The following PPFIBP1 variants were observed in gnomAD, a reference collection of about 807,000 sequenced individuals.
PPFIBP1 encodes PPFIB scaffold protein 1.
In PPFIBP1, 112 loss-of-function variants were observed where a neutral mutation model predicts 137.8. The observed-to-expected ratio is 0.81, with a 90% confidence interval of 0.70 to 0.95. The LOEUF is 0.95. PPFIBP1 is among the 40% of genes least tolerant of loss of function. PPFIBP1 has a pLI of 0.00. For missense variants in PPFIBP1, 1,083 were observed against 1,196.6 expected, an observed-to-expected ratio of 0.91 and a Z score of 1.40; for synonymous variants, 378 against 417.3, an observed-to-expected ratio of 0.91 and a Z score of 1.15.
At chr12:27,662,454 A>C (rs962274217) in intron 11 of PPFIBP1, among the ~76,000 whole-genome samples, 1 of 152,246 alleles carries the variant, frequency 6.6e-6, no homozygotes, top group Non-Finnish European at 1.5e-5. Flanking sequence ...GAGTGAAGAC[A>C]GACAAACAGT....
chr12:27,673,546 A>G (rs2060328144), intron 15 of PPFIBP1, among the ~76,000 whole-genome samples: 1 of 152,208 alleles, frequency 6.6e-6, no homozygotes, highest in African/African-American at 2.4e-5. Context: ...TAACATGTGC[A>G]GAACAGTTAG....
At position 27,573,665 on chromosome 12, in the gene PPFIBP1, T is replaced by C. The variant is rs191549765; in HGVS notation, c.-123-4487T>C. On this transcript the variant is annotated intron_variant, in intron 1 of 29. Transcript: ENST00000228425. ...TTACTCTGCAGACATTGAAAACCAGTTGGAGACTAGCGTGATTAAAAAGAA... is the reference window on the plus strand; with the variant it reads ...TTACTCTGCAGACATTGAAAACCAGCTGGAGACTAGCGTGATTAAAAAGAA... Among the ~76,000 whole-genome samples the C allele has an allele frequency of 1.5e-3, 223 of 152,168 alleles. 1 individual carries two copies. Among genetic ancestry groups the C allele is most frequent in the African/African-American group, 4.9e-3 (202 of 41,526 alleles).
At chr12:27,646,408 CTT>C (rs59630572) in intron 5 of PPFIBP1, 22,159 of 328,380 alleles carry the variant, frequency 0.067, no homozygotes, top group South Asian at 0.095. Context: ...CTGATCTGTT[CTT>C]TTTTTTTTTT....
chr12:27,567,116 A>G (rs1339278452), intron 1 of PPFIBP1, among the ~76,000 whole-genome samples: 1 of 152,242 alleles, frequency 6.6e-6, no homozygotes, highest in Admixed American at 6.5e-5. Context: ...AAATTAACCT[A>G]CGTGAATTTT....
At chr12:27,674,424 C>T (rs568101103) in intron 17 of PPFIBP1, among the ~76,000 whole-genome samples, 6 of 43,278 alleles carry the variant, frequency 1.4e-4, no homozygotes, top group South Asian at 6.3e-4. Flanking sequence ...GAATGCAGAT[C>T]GGTGGTTACC....
rs1566032960 is a variant in PPFIBP1 at position 27,692,918 on chromosome 12, C to T, written c.*36C>T. On this transcript the variant is annotated 3_prime_UTR_variant, in exon 30 of 30. Transcript: ENST00000228425. Reference sequence around the variant, plus strand: ...TGGATGAACATTAGGAGTGCTTAGTCTTTTTTCTACTTGCTTTTCCAAACA... The same window carrying T: ...TGGATGAACATTAGGAGTGCTTAGTTTTTTTTCTACTTGCTTTTCCAAACA... 6.2e-7 allele frequency: 1 copy of T among 1,611,154 alleles called. No individual in the cohort carries two copies. The highest frequency in any genetic ancestry group is 2.2e-5 in the East Asian group (1 of 44,842).
intron 2 of PPFIBP1, among the ~76,000 whole-genome samples, chr12:27,631,525 A>G (rs2057267303): frequency 6.6e-6 from 1 of 152,214 alleles, no homozygotes; most frequent in Non-Finnish European, 1.5e-5. Context: ...TGATATAGAG[A>G]TTAAAAGTTA....
chr12:27,593,799 C>G (rs1432714987), intron 2 of PPFIBP1: 4 of 1,068,420 alleles, frequency 3.7e-6, no homozygotes, highest in South Asian at 3.8e-5. Flanking sequence ...GCAAAACTGT[C>G]TGGTTCGTCC....
At chr12:27,540,146 A>G (rs1229002282) in intron 1 of PPFIBP1, among the ~76,000 whole-genome samples, 3 of 151,508 alleles carry the variant, frequency 2.0e-5, no homozygotes, top group Non-Finnish European at 2.9e-5. Flanking sequence ...CAGCCTCAAA[A>G]TGCTAGGCCC....
chr12:27,608,240 CACAA>C (rs780330950), intron 2 of PPFIBP1, among the ~76,000 whole-genome samples: 24 of 152,248 alleles, frequency 1.6e-4, no homozygotes, highest in African/African-American at 4.3e-4. Context: ...ACAGGACTAC[CACAA>C]ACAAAGATGC....
intron 24 of PPFIBP1, among the ~76,000 whole-genome samples, chr12:27,683,189 G>A (rs540996840): frequency 8.8e-4 from 133 of 151,750 alleles, no homozygotes; most frequent in Non-Finnish European, 9.4e-4. Context: ...TCAGCCTCCC[G>A]AGTAGCTGGG....
chr12:27,565,811 A>C (rs553546821), intron 1 of PPFIBP1, among the ~76,000 whole-genome samples: 1 of 151,626 alleles, frequency 6.6e-6, no homozygotes, highest in South Asian at 2.1e-4. Flanking sequence ...CTATGATTGT[A>C]CTAACCCGAA....
chr12:27,597,954 T>C (rs1403067809), intron 2 of PPFIBP1, among the ~76,000 whole-genome samples: 1 of 152,024 alleles, frequency 6.6e-6, no homozygotes, highest in Non-Finnish European at 1.5e-5. Context: ...TACAGGCATG[T>C]GCCACCACAC....
At chr12:27,654,526 A>G in intron 7 of PPFIBP1, 196 bp from the exon 8 acceptor site, 2 of 605,928 alleles carry the variant, frequency 3.3e-6, no homozygotes, top group South Asian at 5.0e-5. Flanking sequence ...CGCATTGGGG[A>G]TTTAAAGGAA....
At chr12:27,638,970 A>G (rs1311579235) in intron 4 of PPFIBP1, among the ~76,000 whole-genome samples, 1 of 152,120 alleles carries the variant, frequency 6.6e-6, no homozygotes, top group Non-Finnish European at 1.5e-5. Context: ...TTGCAGTTGG[A>G]ATTATCATTT....
chr12:27,683,124 C>T (rs1251040005), intron 24 of PPFIBP1, among the ~76,000 whole-genome samples: 1 of 152,070 alleles, frequency 6.6e-6, no homozygotes, highest in South Asian at 2.1e-4. Context: ...AGTGCAATGA[C>T]GTGATCTCAG....
intron 19 of PPFIBP1, 115 bp from the exon 20 acceptor site, chr12:27,679,374 A>C (rs1157435446): frequency 9.7e-7 from 1 of 1,026,284 alleles, no homozygotes; most frequent in African/African-American, 1.6e-5. Flanking sequence ...GCTCTTTGTA[A>C]GTCACTGATT....
intron 2 of PPFIBP1, among the ~76,000 whole-genome samples, chr12:27,607,418 A>C (rs1159146369): frequency 6.6e-6 from 1 of 152,250 alleles, no homozygotes; most frequent in Non-Finnish European, 1.5e-5. Flanking sequence ...AGGAAATTTT[A>C]ACAAGAAAAT....
At chr12:27,542,753 ATC>A (rs1444892012) in intron 1 of PPFIBP1, among the ~76,000 whole-genome samples, 11 of 152,176 alleles carry the variant, frequency 7.2e-5, no homozygotes, top group Non-Finnish European at 1.3e-4. Flanking sequence ...AGTCATCTGC[ATC>A]TCTCAAATCC....
Sources: allele counts gnomAD v4.1 joint callset (sites outside exome capture counted in the v4.1 genomes callset), GRCh38; gene constraint gnomAD v4.1.1; transcripts MANE v1.5; gene names NCBI Gene and HGNC (gene_info 2026-07-23, HGNC 2026-07-21).